The following ADAM22 variants were observed in gnomAD, a reference collection of about 807,000 sequenced individuals.
ADAM22 encodes the protein disintegrin and metalloproteinase domain-containing protein 22.
In ADAM22, 65 loss-of-function variants were observed where a neutral mutation model predicts 144.6. The ratio of observed to expected loss-of-function variants is 0.45; its 90% confidence interval spans 0.37 to 0.55. The LOEUF (loss-of-function observed/expected upper bound fraction) is 0.55. Among genes scored for constraint, ADAM22 ranks in the 20% least tolerant of loss-of-function variants. The pLI is 0.00. For synonymous variants in ADAM22, 391 were observed against 412.6 expected (o/e 0.95, Z 0.63); for missense variants, 974 against 1,184.9 (o/e 0.82, Z 2.61).
chr7:88,126,164 A>G (rs1409734003), intron 8 of ADAM22, among the ~76,000 whole-genome samples: 1 of 152,048 alleles, frequency 6.6e-6, no homozygotes, highest in Non-Finnish European at 1.5e-5. Flanking sequence ...GGTAATAATA[A>G]CTGTTGATAT....
intron 3 of ADAM22, among the ~76,000 whole-genome samples, chr7:88,045,141 C>T (rs144205797): frequency 1.4e-3 from 219 of 151,714 alleles, no homozygotes; most frequent in African/African-American, 4.9e-3. Flanking sequence ...CCTCAGCCTC[C>T]GGAGTACCTG....
chr7:88,131,428 C>T lies in ADAM22; in HGVS notation c.985C>T (p.Leu329Phe), dbSNP rs764728429. Residue 329 changes from leucine (L) to phenylalanine (F), a missense_variant, in exon 11 of 32, where the codon CTT becomes TTT. Physicochemically the swap from Leu to Phe is conservative, Grantham distance 22. This residue lies in a region of ADAM22 where 734 missense variants were observed against 950.6 expected (regional missense o/e 0.77). Coordinates refer to ENST00000413139, the MANE Select transcript of ADAM22 (RefSeq NM_001324418.2). ...FIKEKSDAVH[L>F]FSGSQFESSR... is the part of the protein sequence containing the mutation. ...CAAAGAGAAAAGTGATGCAGTTCAC[C>T]TTTTTTCGTACGTAACTTCTGTAAT... is the stretch of plus-strand genomic sequence containing the variant. 34 of 1,613,208 alleles carry T rather than the reference C, an allele frequency of 2.1e-5. No homozygotes were observed. Among genetic ancestry groups the T allele is most frequent in the Admixed American group, 1.5e-4 (9 of 59,926 alleles).
intron 4 of ADAM22, among the ~76,000 whole-genome samples, chr7:88,104,424 G>T (rs1464390656): frequency 2.6e-5 from 4 of 152,036 alleles, no homozygotes; most frequent in Admixed American, 2.0e-4. Flanking sequence ...AATAGTATAT[G>T]TGAAGGGAGT....
intron 23 of ADAM22, 99 bp from the exon 24 acceptor site, chr7:88,165,733 A>G: frequency 1.4e-6 from 1 of 734,462 alleles, no homozygotes; most frequent in Non-Finnish European, 2.1e-6. Context: ...TTTTGGAATT[A>G]CCACATTCTA....
rs147396511 is a variant in ADAM22, at chr7:87,935,225, C to T, written c.246+39C>T. On this transcript the variant is annotated intron_variant, in intron 2 of 31. Coordinates refer to ENST00000413139, the MANE Select transcript of ADAM22 (RefSeq NM_001324418.2). ...TCCGGGAGGTGGTCCTCCGCGCCTC[C>T]CGGCCCACCCGAGACCCCACGATTG... 1.5e-4 allele frequency: 234 copies of T among 1,521,602 alleles called. No homozygotes were observed. The African/African-American group carries it at 2.8e-3, about 18-fold the overall frequency. The allele number at this position is 1,521,602 out of a possible 1,614,324, so 94.3% of individuals were successfully genotyped here.
In ADAM22 at chr7:88,155,753, T is replaced by G. The variant is rs1839772078; in HGVS notation, c.1788-134T>G. 3.8e-6 allele frequency: 4 copies of G among 1,045,806 alleles called. No individual in the cohort carries two copies. The South Asian group carries it at 8.2e-5, about 22-fold the overall frequency. 64.8% of individuals were successfully genotyped at this position (1,045,806 alleles called of 1,614,324 possible). A position where few individuals can be genotyped will look rare whatever the true frequency, so the allele number is the denominator to read the frequency against. On this transcript the variant is annotated intron_variant, in intron 21 of 31. Transcript: ENST00000413139. Reference sequence around the variant, plus strand: ...AGGTGGCACACTAATTTGGACTTATTTTATTTCACTTGGCATATGAGTAGA... The same window carrying G: ...AGGTGGCACACTAATTTGGACTTATGTTATTTCACTTGGCATATGAGTAGA...
At position 88,115,424 on chromosome 7, in the gene ADAM22, G is replaced by C. The variant is rs139438839; in HGVS notation, c.537+777G>C. Among the ~76,000 whole-genome samples the C allele has an allele frequency of 4.3e-3, 659 of 152,138 alleles. 3 individuals carry two copies. The highest frequency in any genetic ancestry group is 0.015 in the African/African-American group (639 of 41,496). On this transcript the variant is annotated intron_variant, in intron 6 of 31. Coordinates refer to ENST00000413139, the MANE Select transcript of ADAM22 (RefSeq NM_001324418.2). ...CAACAGAAACTTTATCTCAGTTCTGGGCACTGAAAGTCCAAGGTGCCATCA... is the reference window on the plus strand; with the variant it reads ...CAACAGAAACTTTATCTCAGTTCTGCGCACTGAAAGTCCAAGGTGCCATCA...
At chr7:88,152,035 A>T (rs973934641) in intron 20 of ADAM22, among the ~76,000 whole-genome samples, 1 of 152,210 alleles carries the variant, frequency 6.6e-6, no homozygotes, top group South Asian at 2.1e-4. Flanking sequence ...GAAAAAGGCT[A>T]TAAAAATAAT....
Position 88,153,994 on chromosome 7 carries a change from A to C in ADAM22, c.1787+668A>C, listed in dbSNP as rs189757658. Among the ~76,000 whole-genome samples the C allele has an allele frequency of 9.8e-5, 15 of 152,304 alleles. No homozygotes were observed. In the East Asian group the frequency reaches 2.7e-3, roughly 27 times the overall value. ...GAAAGTTCACTGGTTCCACATGACTAATTAATAGTGAGAACAGTACCCAGC... is the reference window on the plus strand; with the variant it reads ...GAAAGTTCACTGGTTCCACATGACTCATTAATAGTGAGAACAGTACCCAGC... On this transcript the variant is annotated intron_variant, in intron 21 of 31. Transcript: ENST00000413139.
chr7:88,156,912 G>GA lies in ADAM22; in HGVS notation c.1907+916dup, dbSNP rs368532673. Among the ~76,000 whole-genome samples the GA allele has an allele frequency of 8.5e-3, 1,176 of 138,438 alleles. 13 individuals are homozygous for GA. The highest frequency in any genetic ancestry group is 0.02 in the African/African-American group (739 of 37,646). 90.8% of individuals were successfully genotyped at this position (138,438 alleles called of 152,430 possible). On this transcript the variant is annotated intron_variant, in intron 22 of 31. Transcript: ENST00000413139. ...AGATGTGAAAAAAAGTCTGTAACATGAAAAAAAAAAGACAAAAACAATGAG... is the reference window on the plus strand; with the variant it reads ...AGATGTGAAAAAAAGTCTGTAACATGAAAAAAAAAAAGACAAAAACAATGAG...
At chr7:88,037,592 AT>A (rs1189216247) in intron 3 of ADAM22, among the ~76,000 whole-genome samples, 1 of 151,370 alleles carries the variant, frequency 6.6e-6, no homozygotes, top group Non-Finnish European at 1.5e-5. Flanking sequence ...GATGTGTTTT[AT>A]TTTTTTATTT....
chr7:88,171,630 T>C, intron 26 of ADAM22, 69 bp downstream of exon 26: 1 of 1,316,172 alleles, frequency 7.6e-7, no homozygotes, highest in South Asian at 1.5e-5. Context: ...TTGGAATTCA[T>C]ACATGCAATT....
At chr7:88,043,163 AATG>A (rs1247888568) in intron 3 of ADAM22, among the ~76,000 whole-genome samples, 1 of 151,956 alleles carries the variant, frequency 6.6e-6, no homozygotes. Context: ...AAGTAATAAT[AATG>A]ATTCTGTTTA....
At chr7:88,148,915 A>G (rs1423042553) in intron 17 of ADAM22, 62 bp from the exon 18 acceptor site, 3 of 1,237,754 alleles carry the variant, frequency 2.4e-6, no homozygotes, top group Non-Finnish European at 3.4e-6. Context: ...TTTTTTTTAG[A>G]TGATATTGTA....
At chr7:88,129,265 A>G (rs1831165708) in intron 9 of ADAM22, among the ~76,000 whole-genome samples, 1 of 152,048 alleles carries the variant, frequency 6.6e-6, no homozygotes, top group African/African-American at 2.4e-5. Flanking sequence ...GACTACATTC[A>G]TAGCACAGCA....
intron 4 of ADAM22, among the ~76,000 whole-genome samples, chr7:88,084,845 A>T (rs1332893710): frequency 6.6e-6 from 1 of 152,172 alleles, no homozygotes; most frequent in East Asian, 1.9e-4. Context: ...TGTTCTCTCA[A>T]TTCTGAAAGC....
At chr7:88,041,505 A>G (rs1803123966) in intron 3 of ADAM22, among the ~76,000 whole-genome samples, 1 of 151,930 alleles carries the variant, frequency 6.6e-6, no homozygotes, top group South Asian at 2.1e-4. Flanking sequence ...ATCTATATCT[A>G]TACATTCATT....
intron 1 of ADAM22, 191 bp from the exon 2 acceptor site, chr7:87,934,835 G>A: frequency 1.3e-6 from 1 of 765,416 alleles, no homozygotes; most frequent in Non-Finnish European, 2.1e-6. Context: ...GCTCCTGGTT[G>A]CTCTCGGATG....
rs59898382 is a variant in ADAM22, at chr7:88,045,888, TTGTGTGTGTG to T, written c.324-29702_324-29693del. Among the ~76,000 whole-genome samples the T allele has an allele frequency of 4.6e-3, 622 of 134,010 alleles. 3 individuals carry two copies. Among genetic ancestry groups the T allele is most frequent in the South Asian group, 0.023 (86 of 3,720 alleles). The allele number at this position is 134,010 out of a possible 152,430, so 87.9% of individuals were successfully genotyped here. A position where few individuals can be genotyped will look rare whatever the true frequency, so the allele number is the denominator to read the frequency against. ...CATTTTAAGGCTGAGTCGTATTCTA[TTGTGTGTGTG>T]TGTGTGTGTGTGTGTGTGTGTGTGT... is the stretch of plus-strand genomic sequence containing the variant. On this transcript the variant is annotated intron_variant, in intron 3 of 31. Transcript: ENST00000413139.
Sources: gnomAD v4.1 joint callset for allele counts (sites outside exome capture counted in the v4.1 genomes callset) on GRCh38, gnomAD v4.1.1 for gene constraint, gnomAD v4.1.1 regional missense constraint, MANE v1.5 for transcripts, NCBI Gene and HGNC (gene_info 2026-07-23, HGNC 2026-07-21) for gene names.